AFF2: variants seen among roughly 807,000 people sequenced by gnomAD.
The protein encoded by AFF2 is AF4/FMR2 family member 2.
In AFF2, 14 loss-of-function variants were observed where a neutral mutation model predicts 76.9. The ratio of observed to expected loss-of-function variants is 0.18; its 90% CI spans 0.12 to 0.28. The LOEUF (loss-of-function observed/expected upper bound fraction) is 0.28. AFF2 is among the 10% of genes least tolerant of loss of function. The probability of loss-of-function intolerance (pLI) is 1.00; values close to 1 mark genes in which losing one functional copy is unlikely to be tolerated. For synonymous variants in AFF2, 398 were observed against 366.7 expected, an observed-to-expected ratio of 1.09 and a Z score of -0.98; for missense variants, 868 against 1,001.1, an observed-to-expected ratio of 0.87 and a Z score of 1.79.
intron 3 of AFF2, among the ~76,000 whole-genome samples, chrX:148,752,931 G>T (rs945387415): frequency 1.8e-5 from 2 of 111,291 alleles, no homozygotes; most frequent in Non-Finnish European, 3.8e-5. Context: ...GTACACTTTC[G>T]CAACATTAAA....
intron 1 of AFF2, chrX:148,547,201 T>C (rs2052931344): frequency 1.0e-5 from 1 of 98,614 alleles, no homozygotes; most frequent in African/African-American, 3.6e-5. Flanking sequence ...TCAAAGAAAG[T>C]ACTACACCTT....
rs1431681726 is a variant in AFF2, at chrX:148,945,792, G to A, written c.1398-7788G>A. ...CCCTTATGTTAAGTGCCTAGCCTAA[G>A]GTCATACACTGATGAAGTATCCAAG... On this transcript the variant is annotated intron_variant, in intron 9 of 20. Coordinates refer to ENST00000370460, the MANE Select transcript of AFF2 (RefSeq NM_002025.4). Among the ~76,000 whole-genome samples the A allele has an allele frequency of 2.7e-5, 3 of 112,286 alleles. No homozygotes were observed. The Admixed American group carries it at 2.8e-4, about 11-fold the overall frequency.
chrX:148,719,289 G>C, intron 3 of AFF2: 1 of 900,732 alleles, frequency 1.1e-6, no homozygotes. Flanking sequence ...TTAACAAGTA[G>C]CTTTTCTCTC....
intron 3 of AFF2, among the ~76,000 whole-genome samples, chrX:148,787,836 G>T (rs1557269650): frequency 8.9e-6 from 1 of 112,098 alleles, no homozygotes; most frequent in Non-Finnish European, 1.9e-5. Context: ...GTGATTAAAA[G>T]ATGTTGAATC....
intron 1 of AFF2, among the ~76,000 whole-genome samples, chrX:148,588,785 GCTAAA>G (rs1176084789): frequency 4.5e-5 from 5 of 111,544 alleles, no homozygotes; most frequent in African/African-American, 1.6e-4. Flanking sequence ...CTTGAACCAG[GCTAAA>G]CTAAAGTGAC....
chrX:148,935,785 C>T (rs2071768332), intron 9 of AFF2, among the ~76,000 whole-genome samples: 2 of 110,944 alleles, frequency 1.8e-5, no homozygotes, highest in African/African-American at 3.3e-5. Context: ...ATCAAGAAGA[C>T]TTCTGGCTGA....
chrX:148,948,348 C>T (rs2071925019), intron 9 of AFF2, among the ~76,000 whole-genome samples: 1 of 111,634 alleles, frequency 9.0e-6, no homozygotes, highest in Non-Finnish European at 1.9e-5. Context: ...TGCACAAATG[C>T]CTCCTCACAT....
chrX:148,776,684 C>T (rs782422861), intron 3 of AFF2, among the ~76,000 whole-genome samples: 8 of 111,542 alleles, frequency 7.2e-5, no homozygotes, highest in Non-Finnish European at 1.1e-4. Context: ...TCCTATACTT[C>T]GCCCACTTTT....
At position 148,992,972 on chromosome X, in the gene AFF2, T is replaced by C. The variant is rs1603354515; in HGVS notation, c.*1640T>C. ...TATGCACATGAAAGATGCAAACTTG[T>C]GTGATTATTAAAGCCAGCCATGCAG... On this transcript the variant is annotated 3_prime_UTR_variant, in exon 21 of 21. Coordinates refer to ENST00000370460, the MANE Select transcript of AFF2 (RefSeq NM_002025.4). 1 of 112,725 alleles carries C rather than the reference T, an allele frequency of 8.9e-6. No individual in the cohort carries two copies. Among genetic ancestry groups the C allele is most frequent in the African/African-American group, 3.2e-5 (1 of 30,934 alleles). The allele number at this position is 112,725 out of a possible 1,213,427, so 9.3% of individuals were successfully genotyped here.
intron 3 of AFF2, among the ~76,000 whole-genome samples, chrX:148,803,288 C>G (rs1328582286): frequency 9.0e-6 from 1 of 111,465 alleles, no homozygotes; most frequent in African/African-American, 3.3e-5. Flanking sequence ...AAGTAGGAGA[C>G]AGCTTGAGTC....
chrX:148,598,208 A>T (rs1387920751), intron 1 of AFF2, among the ~76,000 whole-genome samples: 1 of 111,821 alleles, frequency 8.9e-6, no homozygotes, highest in East Asian at 2.8e-4. Context: ...AGTCTAAAAA[A>T]GAGAAACAAA....
intron 3 of AFF2, among the ~76,000 whole-genome samples, chrX:148,773,714 GAA>G (rs1421273938): frequency 3.1e-5 from 3 of 97,925 alleles, no homozygotes; most frequent in African/African-American, 8.7e-5. Context: ...AAGAAAGAAA[GAA>G]AGAAAGAAAG....
chrX:148,676,347 G>A (rs922855796), intron 3 of AFF2, among the ~76,000 whole-genome samples: 1 of 111,840 alleles, frequency 8.9e-6, no homozygotes, highest in African/African-American at 3.3e-5. Context: ...CGCCCGGCCC[G>A]TGATTTTTTT....
At chrX:148,745,713 C>T (rs782785044) in intron 3 of AFF2, among the ~76,000 whole-genome samples, 1 of 111,206 alleles carries the variant, frequency 9.0e-6, no homozygotes, top group Non-Finnish European at 1.9e-5. Context: ...TAGGCATCAG[C>T]TGACAATCAT....
At chrX:148,566,221 C>T (rs2053169378) in intron 1 of AFF2, among the ~76,000 whole-genome samples, 1 of 111,118 alleles carries the variant, frequency 9.0e-6, no homozygotes, top group Non-Finnish European at 1.9e-5. Context: ...TAACAGTTGT[C>T]ACAGTCAGGG....
intron 3 of AFF2, among the ~76,000 whole-genome samples, chrX:148,714,020 G>C (rs1325743378): frequency 8.9e-6 from 1 of 112,122 alleles, no homozygotes; most frequent in Non-Finnish European, 1.9e-5. Flanking sequence ...GCTGCCATCA[G>C]TTGTGACCCA....
intron 3 of AFF2, among the ~76,000 whole-genome samples, chrX:148,764,512 G>C (rs1280206178): frequency 8.9e-6 from 1 of 112,389 alleles, no homozygotes. Context: ...AATAGTATCA[G>C]TGATATGAAT....
At chrX:148,633,144 A>C (rs1250787304) in intron 1 of AFF2, among the ~76,000 whole-genome samples, 2 of 111,583 alleles carry the variant, frequency 1.8e-5, no homozygotes, top group Non-Finnish European at 3.8e-5. Flanking sequence ...AATGTGAAAA[A>C]ATAGCAGCAA....
intron 3 of AFF2, among the ~76,000 whole-genome samples, chrX:148,747,340 C>T (rs2055433356): frequency 9.0e-6 from 1 of 111,285 alleles, no homozygotes; most frequent in Admixed American, 9.6e-5. Context: ...AGGAGCTTGA[C>T]AAATAATTTT....
Sources: gnomAD v4.1 joint callset for allele counts (sites outside exome capture counted in the v4.1 genomes callset) on GRCh38, gnomAD v4.1.1 for gene constraint, MANE v1.5 for transcripts, NCBI Gene and HGNC (gene_info 2026-07-23, HGNC 2026-07-21) for gene names.